Variants in GYPC observed in about 807,000 individuals in gnomAD.
GYPC encodes glycophorin-C.
Under a neutral mutation model 12.6 loss-of-function variants are expected in GYPC, and 14 were observed. The observed-to-expected ratio is 1.11, with a 90% confidence interval of 0.74 to 1.74. The LOEUF (loss-of-function observed/expected upper bound fraction) is 1.74, where lower values mean the gene tolerates loss of function less well. GYPC is among the 40% of genes most tolerant of loss of function. The pLI is 0.00. For missense variants in GYPC, 225 were observed against 172.1 expected, an observed-to-expected ratio of 1.31 and a Z score of -1.72; for synonymous variants, 78 against 62.1, an observed-to-expected ratio of 1.26 and a Z score of -1.20.
Position 126,660,044 on chromosome 2 carries a change from G to A in GYPC, c.49+3732G>A, listed in dbSNP as rs28387093. Among the ~76,000 whole-genome samples, 253 of 152,302 alleles carry A rather than the reference G, an allele frequency of 1.7e-3. 2 individuals carry two copies. The highest frequency in any genetic ancestry group is 5.4e-3 in the African/African-American group (224 of 41,574). ...CATAGGGCACCCAGACACTGAGGGC[G>A]CAGCCAGGCTGTAGTTACAAACTGC... On this transcript the variant is annotated intron_variant, in intron 1 of 3. Coordinates refer to ENST00000259254, the MANE Select transcript of GYPC (RefSeq NM_002101.5).
chr2:126,658,067 G>C (rs900621417), intron 1 of GYPC: 6 of 152,372 alleles, frequency 3.9e-5, no homozygotes, highest in Admixed American at 3.9e-4. Flanking sequence ...CAGTTACTGC[G>C]CGTGAGTCAT....
At chr2:126,693,115 G>C (rs1226936716) in intron 2 of GYPC, among the ~76,000 whole-genome samples, 1 of 152,224 alleles carries the variant, frequency 6.6e-6, no homozygotes, top group East Asian at 1.9e-4. Context: ...ATGGGAGGTG[G>C]GACCTAGTGG....
At position 126,656,326 on chromosome 2, in the gene GYPC, G is replaced by T. The variant is rs1329505954; in HGVS notation, c.49+14G>T. The T allele has an allele frequency of 5.7e-6, 9 of 1,585,868 alleles. No homozygotes were observed. Among genetic ancestry groups the T allele is most frequent in the Middle Eastern group, 2.3e-4 (1 of 4,408 alleles). ...CTCTCAGCCTCGGTGAGTACCCGCC[G>T]TGGGGAAGGGTCCTGGGGACCCACT... On this transcript the variant is annotated intron_variant, in intron 1 of 3. Coordinates refer to ENST00000259254, the MANE Select transcript of GYPC (RefSeq NM_002101.5).
chr2:126,665,634 A>C (rs1220106589), intron 1 of GYPC, among the ~76,000 whole-genome samples: 2 of 152,112 alleles, frequency 1.3e-5, no homozygotes, highest in East Asian at 3.9e-4. Flanking sequence ...TGCATTGATC[A>C]CCTCAGATGG....
intron 1 of GYPC, among the ~76,000 whole-genome samples, chr2:126,659,480 T>A (rs766542003): frequency 2.0e-5 from 3 of 152,130 alleles, no homozygotes; most frequent in African/African-American, 7.2e-5. Context: ...AGTTTTCCCA[T>A]CTGTGAGTGG....
chr2:126,689,995 T>G (rs1683408010), intron 1 of GYPC, among the ~76,000 whole-genome samples: 1 of 152,222 alleles, frequency 6.6e-6, no homozygotes, highest in Non-Finnish European at 1.5e-5. Flanking sequence ...GGAGGCATAC[T>G]GCAGAGAACT....
At chr2:126,685,097 G>T (rs564566599) in intron 1 of GYPC, among the ~76,000 whole-genome samples, 1 of 152,158 alleles carries the variant, frequency 6.6e-6, no homozygotes, top group Non-Finnish European at 1.5e-5. Flanking sequence ...CGTCTTTTCC[G>T]GAAGCAATGA....
chr2:126,695,014 C>G (rs562934179), intron 3 of GYPC, among the ~76,000 whole-genome samples: 12 of 152,138 alleles, frequency 7.9e-5, no homozygotes, highest in Non-Finnish European at 5.9e-5. Context: ...CTCTGCATTA[C>G]CCTCTCCCAC....
At position 126,696,115 on chromosome 2, in the gene GYPC, T is replaced by G; in HGVS notation, c.360T>G (p.Asp120Glu). The change falls in exon 4 of 4, where the codon GAT (aspartate) becomes GAG (glutamate). Residue 120 changes from aspartate (D) to glutamate (E), a missense_variant. By Grantham distance (45) the Asp-to-Glu change is conservative. Coordinates refer to ENST00000259254, the MANE Select transcript of GYPC (RefSeq NM_002101.5). Reference protein sequence around the residue: ...QGDPALQDAGDSSRKEYFI With the variant: ...QGDPALQDAGESSRKEYFI ...ACCCTGCCCTCCAAGATGCTGGTGA[T>G]AGCAGCAGAAAGGAGTACTTTATTT... 6.2e-7 allele frequency: 1 copy of G among 1,613,652 alleles called. No homozygotes were observed. The highest frequency in any genetic ancestry group is 8.5e-7 in the Non-Finnish European group (1 of 1,179,542).
At chr2:126,656,724 AGGCTCCG>A (rs1454078330) in intron 1 of GYPC, among the ~76,000 whole-genome samples, 6 of 152,234 alleles carry the variant, frequency 3.9e-5, no homozygotes, top group African/African-American at 1.4e-4. Context: ...CCGACCGGCC[AGGCTCCG>A]GTGAACTCCA....
At chr2:126,670,573 A>T (rs921171171) in intron 1 of GYPC, among the ~76,000 whole-genome samples, 1 of 152,150 alleles carries the variant, frequency 6.6e-6, no homozygotes, top group Non-Finnish European at 1.5e-5. Context: ...AAGAAGCAGG[A>T]TATCGCATGG....
At chr2:126,657,540 T>G (rs1057424227) in intron 1 of GYPC, 1 of 152,246 alleles carries the variant, frequency 6.6e-6, no homozygotes, top group Non-Finnish European at 1.5e-5. Flanking sequence ...TTTATATAAT[T>G]GCACATGAGA....
At chr2:126,693,991 G>A (rs768320844) in intron 3 of GYPC, 44 bp downstream of exon 3, 2 of 1,341,470 alleles carry the variant, frequency 1.5e-6, no homozygotes, top group Non-Finnish European at 2.1e-6. Context: ...AGGGTGGGGG[G>A]CCTTGGTGAA....
At chr2:126,676,757 AGG>A (rs1337341549) in intron 1 of GYPC, among the ~76,000 whole-genome samples, 2 of 152,152 alleles carry the variant, frequency 1.3e-5, no homozygotes, top group Non-Finnish European at 2.9e-5. Flanking sequence ...GATGTGGCAG[AGG>A]GGTGGTGGGG....
chr2:126,684,321 T>C (rs1037209749), intron 1 of GYPC, among the ~76,000 whole-genome samples: 6 of 152,190 alleles, frequency 3.9e-5, no homozygotes, highest in African/African-American at 1.4e-4. Flanking sequence ...AGAGTGGCCA[T>C]GCCTGAGAGT....
chr2:126,674,292 G>T (rs1377903739), intron 1 of GYPC, among the ~76,000 whole-genome samples: 1 of 152,152 alleles, frequency 6.6e-6, no homozygotes, highest in Non-Finnish European at 1.5e-5. Flanking sequence ...AAATGGGCTT[G>T]GGCCAGCCGC....
intron 3 of GYPC, among the ~76,000 whole-genome samples, chr2:126,695,456 G>A (rs142739396): frequency 7.7e-4 from 117 of 152,314 alleles, no homozygotes; most frequent in African/African-American, 2.6e-3. Context: ...GAAGCATGGG[G>A]AAGGAATGAA....
chr2:126,694,864 G>A (rs1159466788), intron 3 of GYPC, among the ~76,000 whole-genome samples: 1 of 151,688 alleles, frequency 6.6e-6, no homozygotes, highest in Non-Finnish European at 1.5e-5. Context: ...CCCACCCCAT[G>A]AGACTGCTGC....
intron 3 of GYPC, among the ~76,000 whole-genome samples, chr2:126,695,540 G>C (rs1683615868): frequency 6.6e-6 from 1 of 152,192 alleles, no homozygotes; most frequent in African/African-American, 2.4e-5. Context: ...GTTTGGAATG[G>C]CGTGAATGCA....
Sources: gnomAD v4.1 joint callset for allele counts (sites outside exome capture counted in the v4.1 genomes callset) on GRCh38, gnomAD v4.1.1 for gene constraint, MANE v1.5 for transcripts, NCBI Gene and HGNC (gene_info 2026-07-23, HGNC 2026-07-21) for gene names.